The following SLC24A2 variants were observed in gnomAD, a reference collection of about 807,000 sequenced individuals.
SLC24A2 encodes the protein sodium/potassium/calcium exchanger 2.
A neutral mutation model predicts 62.0 loss-of-function variants in SLC24A2; 36 were observed. The observed-to-expected ratio is 0.58, with a 90% CI of 0.44 to 0.77. The LOEUF (loss-of-function observed/expected upper bound fraction) is 0.77. Ranked by LOEUF, SLC24A2 falls within the 30% of genes least tolerant of loss-of-function variation. The pLI, the probability that SLC24A2 is intolerant of heterozygous loss-of-function variation, is 0.00. For synonymous variants in SLC24A2, 358 were observed against 294.0 expected (o/e 1.22, Z -2.23); for missense variants, 846 against 817.9 (o/e 1.03, Z -0.42).
the SLC24A2 span, among the ~76,000 whole-genome samples, chr9:20,183,460 T>C: frequency 2.0e-5 from 3 of 152,212 alleles, no homozygotes; most frequent in Admixed American, 6.5e-5. Flanking sequence ...CTTACTAGCA[T>C]GTTGGAGGCT....
At chr9:19,738,486 T>C (rs941690231) in intron 2 of SLC24A2, among the ~76,000 whole-genome samples, 12 of 152,036 alleles carry the variant, frequency 7.9e-5, no homozygotes, top group African/African-American at 2.4e-4. Flanking sequence ...GTGGTATCAG[T>C]TTTAACCAAA....
intron 2 of SLC24A2, among the ~76,000 whole-genome samples, chr9:19,690,389 C>T (rs1373839123): frequency 6.6e-6 from 1 of 152,056 alleles, no homozygotes; most frequent in Non-Finnish European, 1.5e-5. Context: ...CTTGCAGGGA[C>T]TGGTAAGAAG....
At chr9:20,281,933 A>C in the SLC24A2 span, among the ~76,000 whole-genome samples, 2 of 152,196 alleles carry the variant, frequency 1.3e-5, no homozygotes, top group East Asian at 3.8e-4. Flanking sequence ...TCTTTGTTGA[A>C]CACTGGCACA....
At chr9:20,175,024 T>C in the SLC24A2 span, among the ~76,000 whole-genome samples, 1 of 150,664 alleles carries the variant, frequency 6.6e-6, no homozygotes, top group Non-Finnish European at 1.5e-5. Flanking sequence ...TTTTTATATA[T>C]ATATATATAT....
chr9:19,792,175 T>G (rs1425982045), upstream of SLC24A2, among the ~76,000 whole-genome samples: 1 of 152,178 alleles, frequency 6.6e-6, no homozygotes, highest in African/African-American at 2.4e-5. Flanking sequence ...AATATCCCCT[T>G]GCCCCATCTG....
At chr9:20,238,412 A>G in the SLC24A2 span, among the ~76,000 whole-genome samples, 9 of 152,182 alleles carry the variant, frequency 5.9e-5, no homozygotes, top group African/African-American at 2.2e-4. Context: ...TTAGAGTGGA[A>G]CTCTGAGTAG....
chr9:20,264,967 GC>G, the SLC24A2 span, among the ~76,000 whole-genome samples: 1 of 152,210 alleles, frequency 6.6e-6, no homozygotes, highest in African/African-American at 2.4e-5. Flanking sequence ...GAGCACAGAG[GC>G]CTATCTAGGA....
Position 19,516,168 on chromosome 9 carries a change from G to A in SLC24A2, c.1971C>T (p.Cys657=), listed in dbSNP as rs1211150439. 1 of 1,614,132 alleles carries A rather than the reference G, an allele frequency of 6.2e-7. No homozygotes were observed. Among genetic ancestry groups the A allele is most frequent in the Non-Finnish European group, 8.5e-7 (1 of 1,180,000 alleles). ...SVLLEDRILT[C]PVSI The stretch of plus-strand genomic sequence containing the variant: ...GCTTTTCCTGCTAGATGGAGACGGG[G>A]CATGTAAGAATTCTGTCTTCTAGGA... The change falls in exon 11 of 11, where the codon TGC becomes TGT. Residue 657 remains cysteine, a synonymous_variant. Transcript: ENST00000341998.
chr9:19,576,931 G>A lies in SLC24A2; in HGVS notation c.1221C>T (p.Asn407=), dbSNP rs112508827. 0.011 allele frequency: 17,098 copies of A among 1,612,516 alleles called. 117 individuals are homozygous for A. Among genetic ancestry groups the A allele is most frequent in the Non-Finnish European group, 0.013 (14,886 of 1,178,510 alleles). The change falls in exon 6 of 11, where the codon AAC becomes AAT. Residue 407 remains asparagine (N), a synonymous_variant. Transcript: ENST00000341998. Reference sequence around the variant, plus strand: ...ATGTTTCCCTGCACTCACCCACGTGGTTGGCAGCCCCATTCTGCCTCTCGT... The same window carrying A: ...ATGTTTCCCTGCACTCACCCACGTGATTGGCAGCCCCATTCTGCCTCTCGT... ...DENERQNGAA[N]HVEKIELPNS...
At chr9:19,850,039 G>A in the SLC24A2 span, among the ~76,000 whole-genome samples, 1 of 148,144 alleles carries the variant, frequency 6.8e-6, no homozygotes. Flanking sequence ...TTTTTTTGTA[G>A]GATGAATGTT....
At chr9:20,289,481 C>T in the SLC24A2 span, among the ~76,000 whole-genome samples, 2 of 152,160 alleles carry the variant, frequency 1.3e-5, no homozygotes, top group South Asian at 2.1e-4. Flanking sequence ...GGCTCTTCCC[C>T]GTTTCTTGCT....
chr9:19,628,563 A>G (rs1195199830), intron 2 of SLC24A2, among the ~76,000 whole-genome samples: 2 of 152,218 alleles, frequency 1.3e-5, no homozygotes, highest in African/African-American at 4.8e-5. Flanking sequence ...AGCAATTCTC[A>G]CAATTGCTAA....
intron 2 of SLC24A2, among the ~76,000 whole-genome samples, chr9:19,745,108 G>A (rs563836605): frequency 4.5e-4 from 68 of 152,108 alleles, no homozygotes; most frequent in Non-Finnish European, 6.9e-4. Flanking sequence ...GTGAGTTCTT[G>A]CACTGAGTTC....
chr9:20,036,590 G>A, the SLC24A2 span, among the ~76,000 whole-genome samples: 2 of 152,126 alleles, frequency 1.3e-5, no homozygotes, highest in Admixed American at 6.5e-5. Flanking sequence ...TGCAGTATCT[G>A]ATTTTCTGCG....
rs928690014 is a variant in SLC24A2, at chr9:19,565,311, T to C, written c.1347+8040A>G. ...TGTGCAAAAATCACAAGCATTCTTA[T>C]ACACCAACAACAGACAAACAGAGAG... On this transcript the variant is annotated intron_variant, in intron 7 of 10. Transcript: ENST00000341998. 1.4e-3 allele frequency among the ~76,000 whole-genome samples: 196 copies of C among 144,282 alleles called. 2 individuals are homozygous for C. Among genetic ancestry groups the C allele is most frequent in the African/African-American group, 4.9e-3 (186 of 38,158 alleles). The allele number at this position is 144,282 out of a possible 152,430, so 94.7% of individuals were successfully genotyped here. A position where few individuals can be genotyped will look rare whatever the true frequency, so the allele number is the denominator to read the frequency against.
At chr9:19,736,656 T>A (rs1013135746) in intron 2 of SLC24A2, among the ~76,000 whole-genome samples, 1 of 151,892 alleles carries the variant, frequency 6.6e-6, no homozygotes, top group Non-Finnish European at 1.5e-5. Flanking sequence ...CTGGGCAACA[T>A]AGTGAGACCC....
chr9:20,090,256 G>T, the SLC24A2 span, among the ~76,000 whole-genome samples: 1 of 152,094 alleles, frequency 6.6e-6, no homozygotes, highest in East Asian at 1.9e-4. Context: ...CTCTGGGGTG[G>T]AGCCCCCAGG....
intron 8 of SLC24A2, among the ~76,000 whole-genome samples, chr9:19,546,896 C>G (rs867051774): frequency 6.6e-6 from 1 of 152,154 alleles, no homozygotes; most frequent in Non-Finnish European, 1.5e-5. Flanking sequence ...GTGCACTGTT[C>G]CTCATGGCAC....
intron 2 of SLC24A2, among the ~76,000 whole-genome samples, chr9:19,710,134 A>G (rs1346986736): frequency 2.6e-5 from 4 of 152,170 alleles, no homozygotes; most frequent in Non-Finnish European, 5.9e-5. Flanking sequence ...GGGCCTCTTT[A>G]CAAGTCAACT....
Sources: gnomAD v4.1 joint callset for allele counts (sites outside exome capture counted in the v4.1 genomes callset) on GRCh38, gnomAD v4.1.1 for gene constraint, MANE v1.5 for transcripts, NCBI Gene and HGNC (gene_info 2026-07-23, HGNC 2026-07-21) for gene names.